The following FILIP1L variants were observed in gnomAD, a reference collection of about 807,000 sequenced individuals.
FILIP1L encodes the protein filamin A-interacting protein 1-like.
A neutral mutation model predicts 96.6 loss-of-function variants in FILIP1L; 55 were observed. The ratio of observed to expected loss-of-function variants is 0.57; its 90% CI spans 0.46 to 0.71. The LOEUF is 0.71. Ranked by LOEUF, FILIP1L falls within the 30% of genes least tolerant of loss-of-function variation. The pLI is 0.00. For missense variants in FILIP1L, 1,304 were observed against 1,321.2 expected, an observed-to-expected ratio of 0.99 and a Z score of 0.20; for synonymous variants, 467 against 473.9, an observed-to-expected ratio of 0.99 and a Z score of 0.19.
chr3:99,884,805 A>G (rs1316472803), intron 4 of FILIP1L, among the ~76,000 whole-genome samples: 1 of 152,220 alleles, frequency 6.6e-6, no homozygotes, highest in East Asian at 1.9e-4. Flanking sequence ...ACAGGATACC[A>G]TGGAATGCTG....
chr3:100,043,729 T>G (rs2065240569), intron 1 of FILIP1L, among the ~76,000 whole-genome samples: 1 of 152,244 alleles, frequency 6.6e-6, no homozygotes, highest in African/African-American at 2.4e-5. Flanking sequence ...TGTGATATTT[T>G]AATCTCTGTA....
chr3:99,875,780 G>T (rs1705482488), intron 4 of FILIP1L, among the ~76,000 whole-genome samples: 1 of 152,104 alleles, frequency 6.6e-6, no homozygotes, highest in African/African-American at 2.4e-5. Context: ...CTCAATATGG[G>T]CAGGATTCAA....
At chr3:99,852,759 A>G (rs984873901) in intron 4 of FILIP1L, among the ~76,000 whole-genome samples, 1 of 152,170 alleles carries the variant, frequency 6.6e-6, no homozygotes, top group Non-Finnish European at 1.5e-5. Context: ...ACATTTTAAA[A>G]GGAAACTAAT....
chr3:99,881,640 C>T (rs1476048767), intron 4 of FILIP1L, among the ~76,000 whole-genome samples: 1 of 151,818 alleles, frequency 6.6e-6, no homozygotes, highest in Non-Finnish European at 1.5e-5. Flanking sequence ...TCAGACAGTT[C>T]TCCTGCCTCA....
intron 1 of FILIP1L, among the ~76,000 whole-genome samples, chr3:100,102,608 T>C (rs1205468325): frequency 2.6e-5 from 4 of 152,200 alleles, no homozygotes; most frequent in African/African-American, 9.7e-5. Context: ...TACTAAACTA[T>C]TAATTCTTTG....
Position 99,946,916 on chromosome 3 carries a change from C to T in FILIP1L, c.-10-15886G>A, listed in dbSNP as rs1708025081. ...GGTGCTAACAGAGGTGGGCGGATCTCCTGAGGTCTGGAGTTCAAGACCAGC... is the reference window on the plus strand; with the variant it reads ...GGTGCTAACAGAGGTGGGCGGATCTTCTGAGGTCTGGAGTTCAAGACCAGC... On this transcript the variant is annotated intron_variant, in intron 1 of 5. Transcript: ENST00000477258. 2.0e-5 allele frequency among the ~76,000 whole-genome samples: 3 copies of T among 152,158 alleles called. No homozygotes were observed. The South Asian group carries it at 6.2e-4, about 32-fold the overall frequency.
chr3:100,064,480 G>A (rs1312421773), intron 1 of FILIP1L, among the ~76,000 whole-genome samples: 12 of 151,558 alleles, frequency 7.9e-5, no homozygotes, highest in Admixed American at 7.9e-4. Context: ...CATTAAGTGT[G>A]CTGTGACTTC....
At chr3:99,915,375 C>T (rs1010933143) in intron 4 of FILIP1L, among the ~76,000 whole-genome samples, 2 of 152,066 alleles carry the variant, frequency 1.3e-5, no homozygotes, top group African/African-American at 4.8e-5. Flanking sequence ...AAAGTAAGCC[C>T]GCTTACCTTA....
At chr3:99,843,140 TTGAA>T (rs1443431119) in intron 5 of FILIP1L, among the ~76,000 whole-genome samples, 4 of 152,234 alleles carry the variant, frequency 2.6e-5, no homozygotes, top group African/African-American at 9.6e-5. Flanking sequence ...GTGCCATAAG[TTGAA>T]TGGAGTCCTT....
intron 1 of FILIP1L, among the ~76,000 whole-genome samples, chr3:100,079,554 TA>T (rs1486944209): frequency 9.8e-5 from 15 of 152,360 alleles, no homozygotes; most frequent in African/African-American, 3.6e-4. Flanking sequence ...GTAGATTTTT[TA>T]TTTTTGAATA....
chr3:99,929,539 T>TGTGC (rs1409920150), intron 3 of FILIP1L, among the ~76,000 whole-genome samples: 30 of 151,710 alleles, frequency 2.0e-4, no homozygotes, highest in Admixed American at 4.6e-4. Flanking sequence ...TGTGTGTGTG[T>TGTGC]GTAAGCACAT....
chr3:99,946,390 A>G lies in FILIP1L; in HGVS notation c.-10-15360T>C, dbSNP rs573062395. 3.3e-5 allele frequency among the ~76,000 whole-genome samples: 5 copies of G among 152,350 alleles called. No individual in the cohort carries two copies. In the South Asian group the frequency reaches 1.0e-3, roughly 32 times the overall value. ...CGGAAAAGGAGTTTTCATCCTAGAA[A>G]GGGTGTGTAAGCAGTATCCAAAGGT... On this transcript the variant is annotated intron_variant, in intron 1 of 5. Transcript: ENST00000477258.
intron 1 of FILIP1L, among the ~76,000 whole-genome samples, chr3:100,042,517 TGTA>T (rs2065221943): frequency 6.6e-6 from 1 of 152,234 alleles, no homozygotes; most frequent in African/African-American, 2.4e-5. Flanking sequence ...ATCAGGCTCT[TGTA>T]TTATTTTATT....
chr3:99,930,013 A>G lies in FILIP1L; in HGVS notation c.269T>C (p.Ile90Thr), dbSNP rs745953171. 9.3e-6 allele frequency: 15 copies of G among 1,611,422 alleles called. No homozygotes were observed. The African/African-American group carries it at 1.1e-4, about 11-fold the overall frequency. ...EGELQARDEV[I>T]GILKAEKMDL... ...CATTTTTTCAGCCTTTAAAATGCCT[A>G]TGACCTCATCTCGAGCCTGTAGGAA... Residue 90 changes from isoleucine (I) to threonine (T), a missense_variant, in exon 3 of 6, where the codon ATA becomes ACA. Physicochemically the swap from Ile to Thr is moderately conservative, Grantham distance 89. Coordinates refer to ENST00000477258, the MANE Select transcript of FILIP1L (RefSeq NM_001387850.1).
chr3:99,881,023 A>G (rs984637320), intron 4 of FILIP1L, among the ~76,000 whole-genome samples: 3 of 152,338 alleles, frequency 2.0e-5, no homozygotes, highest in South Asian at 2.1e-4. Flanking sequence ...CACAAAGCCA[A>G]CTACTGCCTG....
intron 1 of FILIP1L, among the ~76,000 whole-genome samples, chr3:99,999,079 C>T (rs1345566383): frequency 6.6e-6 from 1 of 152,200 alleles, no homozygotes; most frequent in East Asian, 1.9e-4. Flanking sequence ...CTATATCCGT[C>T]ATATATATCT....
chr3:99,976,912 T>C (rs1178492443), intron 1 of FILIP1L, among the ~76,000 whole-genome samples: 1 of 152,168 alleles, frequency 6.6e-6, no homozygotes, highest in Non-Finnish European at 1.5e-5. Flanking sequence ...GAGTGCCTGA[T>C]GTAGGTCCAA....
intron 1 of FILIP1L, among the ~76,000 whole-genome samples, chr3:100,043,267 A>T (rs1432985285): frequency 6.6e-6 from 1 of 152,242 alleles, no homozygotes; most frequent in Non-Finnish European, 1.5e-5. Context: ...GAGAAAATAT[A>T]TGCAGAAAAT....
chr3:99,917,967 T>TTTTTG (rs1218470674), intron 4 of FILIP1L, among the ~76,000 whole-genome samples: 17 of 152,056 alleles, frequency 1.1e-4, no homozygotes, highest in African/African-American at 2.7e-4. Context: ...GTTTGTTTGT[T>TTTTTG]TTTTGTTTTG....
Sources: allele counts gnomAD v4.1 joint callset (sites outside exome capture counted in the v4.1 genomes callset), GRCh38; gene constraint gnomAD v4.1.1; transcripts MANE v1.5; gene names NCBI Gene and HGNC (gene_info 2026-07-23, HGNC 2026-07-21).